NRXN1: variants seen among roughly 807,000 people sequenced by gnomAD.
NRXN1 encodes neurexin 1, also known as neurexin-1.
In NRXN1, 39 loss-of-function variants were observed where a neutral mutation model predicts 150.9. The observed-to-expected ratio is 0.26, with a 90% CI of 0.20 to 0.34. NRXN1 has a LOEUF of 0.34. Among genes scored for constraint, NRXN1 ranks in the 10% least tolerant of loss-of-function variants. NRXN1 has a pLI of 1.00. For missense variants in NRXN1, 1,815 were observed against 1,949.9 expected, an observed-to-expected ratio of 0.93 and a Z score of 1.30; for synonymous variants, 924 against 757.0, an observed-to-expected ratio of 1.22 and a Z score of -3.62.
chr2:50,492,006 C>G (rs981482581), intron 15 of NRXN1, among the ~76,000 whole-genome samples: 1 of 152,142 alleles, frequency 6.6e-6, no homozygotes, highest in Non-Finnish European at 1.5e-5. Context: ...ATTTAGTAGG[C>G]ACTTAATAAA....
At chr2:50,283,920 C>T (rs182415158) in intron 17 of NRXN1, among the ~76,000 whole-genome samples, 9 of 152,190 alleles carry the variant, frequency 5.9e-5, no homozygotes, top group Admixed American at 3.3e-4. Flanking sequence ...CAAAACAAAA[C>T]GTAAAACATC....
chr2:50,329,671 ATATTTTTT>A (rs2076697188), intron 17 of NRXN1, among the ~76,000 whole-genome samples: 1 of 20,692 alleles, frequency 4.8e-5, no homozygotes, highest in Non-Finnish European at 7.6e-5. Context: ...ATATATATAT[ATATTTTTT>A]TTTTTCCCCC....
chr2:50,157,909 G>A (rs935722016), intron 18 of NRXN1, among the ~76,000 whole-genome samples: 6 of 151,852 alleles, frequency 4.0e-5, no homozygotes, highest in Non-Finnish European at 7.4e-5. Flanking sequence ...ACTGGGATTA[G>A]AGCTGGGGAT....
chr2:50,807,074 C>T (rs1667603947), intron 5 of NRXN1, among the ~76,000 whole-genome samples: 1 of 152,234 alleles, frequency 6.6e-6, no homozygotes, highest in Admixed American at 6.5e-5. Context: ...TACAGTGCCT[C>T]TAGAGTGTTA....
chr2:50,714,132 T>C (rs1255963461), intron 5 of NRXN1, among the ~76,000 whole-genome samples: 1 of 152,196 alleles, frequency 6.6e-6, no homozygotes, highest in Non-Finnish European at 1.5e-5. Context: ...AACTGACGTC[T>C]GTCTTCCACA....
At chr2:50,834,225 C>T (rs1574645220) in intron 5 of NRXN1, among the ~76,000 whole-genome samples, 1 of 151,404 alleles carries the variant, frequency 6.6e-6, no homozygotes, top group Non-Finnish European at 1.5e-5. Flanking sequence ...AGGGATTTTG[C>T]TCTTAAATTT....
chr2:50,690,913 C>T (rs534141990), intron 5 of NRXN1, among the ~76,000 whole-genome samples: 1 of 152,256 alleles, frequency 6.6e-6, no homozygotes, highest in East Asian at 1.9e-4. Context: ...CAGTATTATC[C>T]ATGTGAAATA....
chr2:50,403,844 C>T (rs572839667), intron 17 of NRXN1, among the ~76,000 whole-genome samples: 106 of 152,106 alleles, frequency 7.0e-4, no homozygotes, highest in Non-Finnish European at 1.3e-3. Context: ...TCTAAGCAGA[C>T]GTTTGAAAAA....
intron 18 of NRXN1, among the ~76,000 whole-genome samples, chr2:50,170,505 C>T (rs967401775): frequency 6.6e-6 from 1 of 152,068 alleles, no homozygotes; most frequent in Admixed American, 6.5e-5. Flanking sequence ...CGATGTTGAC[C>T]ATGCTGGTCT....
chr2:49,924,972 C>T (rs1668834611), intron 22 of NRXN1, among the ~76,000 whole-genome samples: 1 of 151,978 alleles, frequency 6.6e-6, no homozygotes, highest in East Asian at 1.9e-4. Flanking sequence ...TGAAATTTTT[C>T]TTAACTTTTC....
intron 21 of NRXN1, among the ~76,000 whole-genome samples, chr2:49,957,660 C>T (rs1675218240): frequency 6.6e-6 from 1 of 152,148 alleles, no homozygotes; most frequent in Admixed American, 6.6e-5. Context: ...TCTAGCTACA[C>T]GATGTAATCA....
intron 2 of NRXN1, among the ~76,000 whole-genome samples, chr2:50,994,175 T>C (rs1212545456): frequency 1.3e-5 from 2 of 151,996 alleles, no homozygotes; most frequent in African/African-American, 4.8e-5. Flanking sequence ...CAATCAGTCT[T>C]ATAGAGTTGA....
chr2:50,658,411 GGT>G (rs58970263), intron 5 of NRXN1, among the ~76,000 whole-genome samples: 10 of 144,748 alleles, frequency 6.9e-5, no homozygotes, highest in South Asian at 4.6e-4. Context: ...TGCATTCACT[GGT>G]GTGTGTGTGT....
intron 18 of NRXN1, among the ~76,000 whole-genome samples, chr2:50,227,431 C>A (rs2064503249): frequency 6.6e-6 from 1 of 151,972 alleles, no homozygotes; most frequent in African/African-American, 2.4e-5. Flanking sequence ...GAAACACACC[C>A]TTGCAGAGCA....
chr2:50,348,299 G>A (rs1351163377), intron 17 of NRXN1, among the ~76,000 whole-genome samples: 1 of 152,126 alleles, frequency 6.6e-6, no homozygotes, highest in African/African-American at 2.4e-5. Context: ...TCACAAGGAG[G>A]GAAAAGGATG....
At chr2:50,515,738 G>A (rs1156326763) in intron 12 of NRXN1, among the ~76,000 whole-genome samples, 2 of 151,900 alleles carry the variant, frequency 1.3e-5, no homozygotes, top group Non-Finnish European at 2.9e-5. Flanking sequence ...TGACTTTGGG[G>A]ACTGTAGTCT....
chr2:50,110,326 TA>T (rs1702208189), intron 18 of NRXN1, among the ~76,000 whole-genome samples: 1 of 151,294 alleles, frequency 6.6e-6, no homozygotes, highest in African/African-American at 2.4e-5. Flanking sequence ...GCGTCTCTAC[TA>T]AAAATACAAA....
At chr2:50,627,247 G>C (rs1681276844) in intron 5 of NRXN1, among the ~76,000 whole-genome samples, 1 of 151,602 alleles carries the variant, frequency 6.6e-6, no homozygotes, top group South Asian at 2.1e-4. Flanking sequence ...TTAGAAAATA[G>C]TTAACCAGGA....
At chr2:50,198,816 T>A (rs1260354115) in intron 18 of NRXN1, among the ~76,000 whole-genome samples, 1 of 152,132 alleles carries the variant, frequency 6.6e-6, no homozygotes. Flanking sequence ...TCTGCAAATT[T>A]CTTCTGAAGA....
Sources: gnomAD v4.1 joint callset for allele counts (sites outside exome capture counted in the v4.1 genomes callset) on GRCh38, gnomAD v4.1.1 for gene constraint, MANE v1.5 for transcripts, NCBI Gene and HGNC (gene_info 2026-07-23, HGNC 2026-07-21) for gene names.